The following DLEU7 variants were observed in gnomAD, a reference collection of about 807,000 sequenced individuals.
DLEU7 encodes the protein leukemia-associated protein 7.
DLEU7 carries 17 observed loss-of-function variants against 16.0 expected under a neutral mutation model. That is an observed-to-expected ratio of 1.06 (90% CI 0.73 to 1.59). DLEU7 has a LOEUF of 1.59. Among genes scored for constraint, DLEU7 ranks in the 40% most tolerant of loss-of-function variants. DLEU7 has a pLI of 0.00. For missense variants in DLEU7, 308 were observed against 314.9 expected, an observed-to-expected ratio of 0.98 and a Z score of 0.17; for synonymous variants, 113 against 139.8, an observed-to-expected ratio of 0.81 and a Z score of 1.35.
At chr13:50,809,709 G>A (rs1409729554) in intron 1 of DLEU7, among the ~76,000 whole-genome samples, 1 of 152,080 alleles carries the variant, frequency 6.6e-6, no homozygotes, top group Non-Finnish European at 1.5e-5. Context: ...CTTTTTGGTG[G>A]ATCCAGTGCA....
Position 50,726,620 on chromosome 13 carries a change from G to C in DLEU7, c.460-13380C>G, listed in dbSNP as rs957843437. Among the ~76,000 whole-genome samples the C allele has an allele frequency of 6.6e-6, 1 of 152,190 alleles. No individual in the cohort carries two copies. The highest frequency in any genetic ancestry group is 1.9e-4 in the East Asian group (1 of 5,206). On this transcript the variant is annotated intron_variant, in intron 1 of 1. Transcript: ENST00000400393. The surrounding 1 kb of genome is among the most constrained non-coding windows in gnomAD (Gnocchi z 4.0). Reference sequence around the variant, plus strand: ...GGTTTTCCCATCTGCAGTGAAATTTGTGGATCGCATGGGAGGTCTTTTCAT... The same window carrying C: ...GGTTTTCCCATCTGCAGTGAAATTTCTGGATCGCATGGGAGGTCTTTTCAT...
chr13:50,767,300 C>CA, intron 1 of DLEU7, among the ~76,000 whole-genome samples: 1 of 151,962 alleles, frequency 6.6e-6, no homozygotes, highest in East Asian at 1.9e-4. Flanking sequence ...CTAAAAAATA[C>CA]AAAAAATTAG....
chr13:50,756,973 A>C (rs962821172), intron 1 of DLEU7, among the ~76,000 whole-genome samples: 1 of 152,132 alleles, frequency 6.6e-6, no homozygotes, highest in Non-Finnish European at 1.5e-5. Flanking sequence ...TTCTCCCGCA[A>C]ATTAAGCCTT....
intron 1 of DLEU7, among the ~76,000 whole-genome samples, chr13:50,800,391 C>CT (rs1226661271): frequency 6.6e-6 from 1 of 152,118 alleles, no homozygotes; most frequent in Non-Finnish European, 1.5e-5. Flanking sequence ...ACCCCTTCCC[C>CT]TTCAGTTTCA....
At chr13:50,786,676 T>C (rs901250467) in intron 1 of DLEU7, among the ~76,000 whole-genome samples, 6 of 152,232 alleles carry the variant, frequency 3.9e-5, no homozygotes, top group African/African-American at 1.2e-4. Context: ...ATAATTTCTC[T>C]GTGCAAATGA....
intron 1 of DLEU7, among the ~76,000 whole-genome samples, chr13:50,788,001 T>C (rs1875843067): frequency 6.6e-6 from 1 of 152,028 alleles, no homozygotes; most frequent in Non-Finnish European, 1.5e-5. Flanking sequence ...TCCTTTCCAC[T>C]CTCACAGCTC....
intron 1 of DLEU7, among the ~76,000 whole-genome samples, chr13:50,771,812 G>C (rs184986346): frequency 6.6e-6 from 1 of 152,194 alleles, no homozygotes; most frequent in East Asian, 1.9e-4. Flanking sequence ...CAAGTCCTGG[G>C]TATCCTTGTT....
intron 1 of DLEU7, among the ~76,000 whole-genome samples, chr13:50,751,984 G>A (rs932806665): frequency 1.3e-5 from 2 of 150,692 alleles, no homozygotes; most frequent in Non-Finnish European, 3.0e-5. Flanking sequence ...GCTGCATTTT[G>A]GTTTGGTTTG....
chr13:50,799,404 C>G (rs1204361053), intron 1 of DLEU7, among the ~76,000 whole-genome samples: 1 of 152,158 alleles, frequency 6.6e-6, no homozygotes, highest in Non-Finnish European at 1.5e-5. Flanking sequence ...ATCCTGTTCT[C>G]TATTCCACTT....
chr13:50,752,052 C>CTTTT (rs200928092), intron 1 of DLEU7, among the ~76,000 whole-genome samples: 9 of 135,734 alleles, frequency 6.6e-5, no homozygotes, highest in African/African-American at 2.5e-4. Flanking sequence ...CTCTTTCAGT[C>CTTTT]TTTTTTTTTT....
At chr13:50,796,885 G>A (rs186247505) in intron 1 of DLEU7, among the ~76,000 whole-genome samples, 1 of 152,230 alleles carries the variant, frequency 6.6e-6, no homozygotes, top group East Asian at 1.9e-4. Context: ...CATCTGACCT[G>A]CACTGAACTG....
At position 50,823,406 on chromosome 13, in the gene DLEU7, G is replaced by A. The variant is rs1208749388; in HGVS notation, c.574C>T (p.Leu192=). The A allele has an allele frequency of 5.9e-6, 9 of 1,535,884 alleles. No individual in the cohort carries two copies. The highest frequency in any genetic ancestry group is 1.2e-5 in the South Asian group (1 of 84,062). Residue 192 remains leucine (L), a synonymous_variant, in exon 2 of 2, where the codon CTG becomes TTG. Coordinates refer to ENST00000504404, the MANE Select transcript of DLEU7 (RefSeq NM_001306135.2). ...HQCLKTIVKK[L]IQSLANFPSD... ...GGAAAATTAGCAAGTGACTGAATCAGCTTCTTGACTATTGTCTTCAAACAC... is the reference window on the plus strand; with the variant it reads ...GGAAAATTAGCAAGTGACTGAATCAACTTCTTGACTATTGTCTTCAAACAC...
At chr13:50,756,434 G>C (rs140986544) in intron 1 of DLEU7, among the ~76,000 whole-genome samples, 25 of 152,296 alleles carry the variant, frequency 1.6e-4, no homozygotes, top group African/African-American at 5.8e-4. Flanking sequence ...GGTCAATGGA[G>C]TTGTGTACCT....
intron 1 of DLEU7, among the ~76,000 whole-genome samples, chr13:50,791,920 A>G (rs1310174862): frequency 2.0e-5 from 3 of 152,178 alleles, no homozygotes; most frequent in Non-Finnish European, 4.4e-5. Flanking sequence ...TTTTACACAA[A>G]GAAATAGAAT....
intron 1 of DLEU7, among the ~76,000 whole-genome samples, chr13:50,812,287 C>G (rs1320944879): frequency 2.0e-5 from 3 of 152,054 alleles, no homozygotes; most frequent in African/African-American, 4.8e-5. Context: ...GATCTCAGAC[C>G]TGAGGGGCCC....
intron 1 of DLEU7, among the ~76,000 whole-genome samples, chr13:50,742,318 G>C (rs1299897394): frequency 6.6e-6 from 1 of 152,168 alleles, no homozygotes; most frequent in Non-Finnish European, 1.5e-5. Context: ...TTGGTGGAAA[G>C]TTTATTGTCC....
At chr13:50,819,429 G>A (rs1318097708), downstream of DLEU7, among the ~76,000 whole-genome samples, 1 of 152,092 alleles carries the variant, frequency 6.6e-6, no homozygotes, top group Non-Finnish European at 1.5e-5. Context: ...TTGATCTAAC[G>A]TTTTTTACTG....
chr13:50,753,335 G>C (rs1233995910), intron 1 of DLEU7, among the ~76,000 whole-genome samples: 1 of 152,230 alleles, frequency 6.6e-6, no homozygotes, highest in Non-Finnish European at 1.5e-5. Context: ...GTGGTCAATG[G>C]GACTGGGCGC....
chr13:50,739,557 A>C (rs1049647826), intron 1 of DLEU7, among the ~76,000 whole-genome samples: 2 of 152,174 alleles, frequency 1.3e-5, no homozygotes, highest in Admixed American at 6.5e-5. Flanking sequence ...GGTGTTAGGT[A>C]CTTTCTGAGA....
Sources: gnomAD v4.1 joint callset for allele counts (sites outside exome capture counted in the v4.1 genomes callset) on GRCh38, gnomAD v4.1.1 for gene constraint, Gnocchi (gnomAD v3.1) non-coding constraint, MANE v1.5 for transcripts, NCBI Gene and HGNC (gene_info 2026-07-23, HGNC 2026-07-21) for gene names.